The following CSMD1 variants were observed in gnomAD, a reference collection of about 807,000 sequenced individuals.
CSMD1 encodes the protein CUB and Sushi multiple domains 1.
CSMD1 carries 213 observed loss-of-function variants against 417.5 expected under a neutral mutation model. That is an observed-to-expected ratio of 0.51 (90% CI 0.46 to 0.57). The LOEUF is 0.57. Among genes scored for constraint, CSMD1 ranks in the 20% least tolerant of loss-of-function variants. The probability of loss-of-function intolerance (pLI) is 0.00; values close to 1 mark genes in which losing one functional copy is unlikely to be tolerated. For synonymous variants in CSMD1, 2,862 were observed against 1,736.8 expected, an observed-to-expected ratio of 1.65 and a Z score of -16.11; for missense variants, 6,923 against 4,529.7, an observed-to-expected ratio of 1.53 and a Z score of -15.17.
At chr8:4,957,254 T>C (rs1809180316) in intron 1 of CSMD1, among the ~76,000 whole-genome samples, 2 of 152,270 alleles carry the variant, frequency 1.3e-5, no homozygotes, top group South Asian at 2.1e-4. Context: ...CCTTCAGGAA[T>C]CCTGGAGTCA....
intron 6 of CSMD1, among the ~76,000 whole-genome samples, chr8:3,724,332 A>G (rs1802367435): frequency 6.6e-6 from 1 of 152,020 alleles, no homozygotes; most frequent in African/African-American, 2.4e-5. Context: ...ATATCTCCCA[A>G]TGCTATCCCG....
chr8:4,333,784 T>C (rs1316800606), intron 3 of CSMD1, among the ~76,000 whole-genome samples: 1 of 152,178 alleles, frequency 6.6e-6, no homozygotes, highest in African/African-American at 2.4e-5. Context: ...GACCTGGGTC[T>C]GCCCCTGGAA....
chr8:3,592,652 G>A (rs894811027), intron 8 of CSMD1, among the ~76,000 whole-genome samples: 12 of 151,992 alleles, frequency 7.9e-5, no homozygotes, highest in Non-Finnish European at 1.3e-4. Flanking sequence ...GTCTATGTGT[G>A]TGTTTACGTG....
At chr8:4,740,937 C>T (rs926515639) in intron 1 of CSMD1, among the ~76,000 whole-genome samples, 5 of 152,080 alleles carry the variant, frequency 3.3e-5, no homozygotes, top group African/African-American at 1.2e-4. Flanking sequence ...ACAAAAAACA[C>T]TTATTAACAT....
At chr8:3,287,784 T>C (rs1803268250) in intron 25 of CSMD1, among the ~76,000 whole-genome samples, 3 of 152,050 alleles carry the variant, frequency 2.0e-5, no homozygotes, top group South Asian at 2.1e-4. Flanking sequence ...CCTAATTGAA[T>C]ACTCTTTATT....
chr8:4,509,600 C>A (rs912076621), intron 2 of CSMD1, among the ~76,000 whole-genome samples: 1 of 152,110 alleles, frequency 6.6e-6, no homozygotes, highest in Non-Finnish European at 1.5e-5. Flanking sequence ...CAGACACACC[C>A]CAGCCAAGTC....
At chr8:4,634,775 C>A (rs1802726539) in intron 2 of CSMD1, among the ~76,000 whole-genome samples, 1 of 152,170 alleles carries the variant, frequency 6.6e-6, no homozygotes, top group Non-Finnish European at 1.5e-5. Flanking sequence ...ATCAACTCAT[C>A]CTGAATGTTG....
intron 3 of CSMD1, among the ~76,000 whole-genome samples, chr8:4,158,543 C>A (rs1234126922): frequency 6.6e-6 from 1 of 152,180 alleles, no homozygotes; most frequent in Non-Finnish European, 1.5e-5. Flanking sequence ...AACACAGCCG[C>A]TAGGTTGTGT....
intron 3 of CSMD1, among the ~76,000 whole-genome samples, chr8:4,396,864 C>G (rs1162404105): frequency 6.6e-6 from 1 of 151,994 alleles, no homozygotes; most frequent in Non-Finnish European, 1.5e-5. Context: ...GATACAACAA[C>G]TTTCAGGACT....
intron 50 of CSMD1, among the ~76,000 whole-genome samples, chr8:3,043,343 T>C (rs1811234324): frequency 6.6e-6 from 1 of 151,952 alleles, no homozygotes; most frequent in South Asian, 2.1e-4. Flanking sequence ...GATATACATA[T>C]AACGATATAT....
chr8:4,079,848 G>A (rs1800033588), intron 3 of CSMD1, among the ~76,000 whole-genome samples: 1 of 152,164 alleles, frequency 6.6e-6, no homozygotes, highest in Admixed American at 6.5e-5. Context: ...ATAATGGAAT[G>A]TTTCTAATGA....
intron 2 of CSMD1, among the ~76,000 whole-genome samples, chr8:4,467,948 G>A (rs1014191213): frequency 2.4e-4 from 36 of 152,110 alleles, no homozygotes; most frequent in African/African-American, 8.5e-4. Context: ...AACTAACAAA[G>A]TAATATGATG....
chr8:3,268,817 G>A (rs574605557), intron 26 of CSMD1, among the ~76,000 whole-genome samples: 50 of 152,212 alleles, frequency 3.3e-4, no homozygotes, highest in African/African-American at 1.1e-3. Flanking sequence ...GGTCCTGGGG[G>A]ACAGTGGGGC....
intron 26 of CSMD1, among the ~76,000 whole-genome samples, chr8:3,235,876 A>C (rs1799118662): frequency 6.6e-6 from 1 of 151,594 alleles, no homozygotes; most frequent in Admixed American, 6.6e-5. Context: ...CTGCATCTAC[A>C]TAATTAGCTC....
intron 2 of CSMD1, among the ~76,000 whole-genome samples, chr8:4,602,859 T>A (rs533971752): frequency 6.6e-6 from 1 of 152,042 alleles, no homozygotes; most frequent in Admixed American, 6.6e-5. Flanking sequence ...AAAGAAATCT[T>A]TTATTATAAT....
chr8:3,791,575 G>A (rs914388709), intron 5 of CSMD1, among the ~76,000 whole-genome samples: 2 of 152,198 alleles, frequency 1.3e-5, no homozygotes, highest in Non-Finnish European at 2.9e-5. Flanking sequence ...TATAATCCCA[G>A]CACTTTGGGA....
At chr8:3,724,984 G>C (rs866453442) in intron 6 of CSMD1, among the ~76,000 whole-genome samples, 2 of 152,134 alleles carry the variant, frequency 1.3e-5, no homozygotes, top group Non-Finnish European at 2.9e-5. Context: ...AGCTTTGTTT[G>C]GTATCCTAAT....
At chr8:3,288,619 T>G (rs1460061392) in intron 25 of CSMD1, among the ~76,000 whole-genome samples, 1 of 147,334 alleles carries the variant, frequency 6.8e-6, no homozygotes, top group Non-Finnish European at 1.5e-5. Flanking sequence ...GATGGTAGTT[T>G]GTATTTCTGT....
At chr8:4,643,110 A>G (rs1425842393) in intron 1 of CSMD1, among the ~76,000 whole-genome samples, 1 of 152,214 alleles carries the variant, frequency 6.6e-6, no homozygotes, top group Non-Finnish European at 1.5e-5. Context: ...AAGCCATATT[A>G]TCATCTGAAC....
Sources: allele counts gnomAD v4.1 joint callset (sites outside exome capture counted in the v4.1 genomes callset), GRCh38; gene constraint gnomAD v4.1.1; transcripts MANE v1.5; gene names NCBI Gene and HGNC (gene_info 2026-07-23, HGNC 2026-07-21).